The following LRRC4C variants were observed in gnomAD, a reference collection of about 807,000 sequenced individuals.
The protein encoded by LRRC4C is leucine rich repeat containing 4C.
Under a neutral mutation model 33.6 loss-of-function variants are expected in LRRC4C, and 5 were observed. The ratio of observed to expected loss-of-function variants is 0.15; its 90% CI spans 0.08 to 0.31. The LOEUF (loss-of-function observed/expected upper bound fraction) is 0.31. LRRC4C is among the 10% of genes least tolerant of loss of function. The probability of loss-of-function intolerance (pLI) is 1.00; values close to 1 mark genes in which losing one functional copy is unlikely to be tolerated. For synonymous variants in LRRC4C, 329 were observed against 302.0 expected (o/e 1.09, Z -0.93); for missense variants, 560 against 796.7 (o/e 0.70, Z 3.58).
intron 5 of LRRC4C, among the ~76,000 whole-genome samples, chr11:40,198,885 C>T (rs1383512354): frequency 6.6e-6 from 1 of 152,178 alleles, no homozygotes; most frequent in Non-Finnish European, 1.5e-5. Context: ...AGATTATCTT[C>T]TCTAGAAGTT....
chr11:41,447,384 ACT>A (rs1438533978), intron 1 of LRRC4C, among the ~76,000 whole-genome samples: 2 of 152,264 alleles, frequency 1.3e-5, no homozygotes, highest in East Asian at 3.9e-4. Context: ...ATTGTACTAA[ACT>A]CTATTTTGAA....
At chr11:40,569,382 C>T (rs1957887216) in intron 3 of LRRC4C, among the ~76,000 whole-genome samples, 1 of 152,080 alleles carries the variant, frequency 6.6e-6, no homozygotes, top group South Asian at 2.1e-4. Flanking sequence ...TTCCAAAAGC[C>T]TATGGTCCCA....
intron 2 of LRRC4C, among the ~76,000 whole-genome samples, chr11:40,821,228 AC>A (rs1951914348): frequency 6.6e-6 from 1 of 151,734 alleles, no homozygotes; most frequent in Non-Finnish European, 1.5e-5. Context: ...TCTCAAATTA[AC>A]CAATAAATTC....
chr11:40,496,977 G>A (rs1954496074), intron 3 of LRRC4C, among the ~76,000 whole-genome samples: 1 of 152,110 alleles, frequency 6.6e-6, no homozygotes, highest in Non-Finnish European at 1.5e-5. Context: ...GTCCTCTCAT[G>A]GCTCCTAAAG....
chr11:40,736,747 A>G (rs776411356), intron 2 of LRRC4C, among the ~76,000 whole-genome samples: 1 of 151,858 alleles, frequency 6.6e-6, no homozygotes, highest in Admixed American at 6.6e-5. Context: ...TTTGATTTGC[A>G]TTTCTTGAAT....
At chr11:40,222,558 AAC>A (rs1864495533) in intron 5 of LRRC4C, among the ~76,000 whole-genome samples, 1 of 152,194 alleles carries the variant, frequency 6.6e-6, no homozygotes, top group South Asian at 2.1e-4. Flanking sequence ...GATGTGCTAT[AAC>A]ACATTTACCT....
chr11:41,454,002 T>G (rs1476453239), intron 1 of LRRC4C, among the ~76,000 whole-genome samples: 1 of 152,088 alleles, frequency 6.6e-6, no homozygotes, highest in Non-Finnish European at 1.5e-5. Flanking sequence ...GCAGGGAGCA[T>G]GGATCTTGTC....
chr11:40,815,531 C>T (rs999897990), intron 2 of LRRC4C, among the ~76,000 whole-genome samples: 5 of 152,170 alleles, frequency 3.3e-5, no homozygotes, highest in African/African-American at 1.2e-4. Flanking sequence ...GGATGATTTT[C>T]TCAAGAGCCC....
In LRRC4C at chr11:40,644,848, G is replaced by A. The variant is rs182409518; in HGVS notation, c.-270+3294C>T. On this transcript the variant is annotated intron_variant, in intron 3 of 6. Coordinates refer to ENST00000528697, the MANE Select transcript of LRRC4C (RefSeq NM_001258419.2). ...GATAGAAATGACGTGTATTTTGACCGTAGTAATATCAATACTCTGGTTATA... is the reference window on the plus strand; with the variant it reads ...GATAGAAATGACGTGTATTTTGACCATAGTAATATCAATACTCTGGTTATA... Among the ~76,000 whole-genome samples, 150 of 152,110 alleles carry A rather than the reference G, an allele frequency of 9.9e-4. 1 individual carries two copies. The highest frequency in any genetic ancestry group is 9.7e-3 in the Admixed American group (148 of 15,282).
intron 2 of LRRC4C, among the ~76,000 whole-genome samples, chr11:40,829,735 T>A (rs1172130174): frequency 6.6e-6 from 1 of 151,966 alleles, no homozygotes; most frequent in African/African-American, 2.4e-5. Context: ...CTCCATAATA[T>A]TTTTTAAAAC....
chr11:41,261,698 A>G (rs575142328), intron 1 of LRRC4C, among the ~76,000 whole-genome samples: 2 of 152,272 alleles, frequency 1.3e-5, no homozygotes, highest in Admixed American at 1.3e-4. Flanking sequence ...GGGCAGAGAG[A>G]TTAGACATCT....
chr11:41,151,727 C>G (rs1944007898), intron 1 of LRRC4C, among the ~76,000 whole-genome samples: 2 of 152,104 alleles, frequency 1.3e-5, no homozygotes, highest in African/African-American at 4.8e-5. Context: ...GAATGTCATA[C>G]ATAAGGCACT....
intron 1 of LRRC4C, among the ~76,000 whole-genome samples, chr11:41,205,526 T>C (rs1357868923): frequency 6.6e-6 from 1 of 152,170 alleles, no homozygotes; most frequent in East Asian, 1.9e-4. Flanking sequence ...CCAGTGATTG[T>C]AGCTTCTAAA....
chr11:40,787,085 A>C (rs965236083), intron 2 of LRRC4C, among the ~76,000 whole-genome samples: 3 of 152,200 alleles, frequency 2.0e-5, no homozygotes, highest in African/African-American at 4.8e-5. Flanking sequence ...CTGAAGAGCC[A>C]CATAGTAGTT....
intron 4 of LRRC4C, among the ~76,000 whole-genome samples, chr11:40,285,332 C>G (rs1421803643): frequency 6.6e-6 from 1 of 152,034 alleles, no homozygotes; most frequent in Admixed American, 6.6e-5. Flanking sequence ...ATGAGGAGTG[C>G]CTCAAGCCCT....
intron 5 of LRRC4C, among the ~76,000 whole-genome samples, chr11:40,169,678 T>C (rs1188261858): frequency 1.3e-5 from 2 of 152,204 alleles, no homozygotes; most frequent in East Asian, 3.9e-4. Flanking sequence ...ATTTCCATTT[T>C]CATTGTAAAG....
rs187430086 is a variant in LRRC4C, at chr11:41,285,605, A to G, written c.-496+173826T>C. On this transcript the variant is annotated intron_variant, in intron 1 of 6. Coordinates refer to ENST00000528697, the MANE Select transcript of LRRC4C (RefSeq NM_001258419.2). ...ACTGGAATGATGTGGGGAGGAAGCC[A>G]GAGAGAGATGTCCCACATGGAAGAC... Among the ~76,000 whole-genome samples the G allele has an allele frequency of 7.0e-4, 106 of 152,262 alleles. 1 individual carries two copies. Among genetic ancestry groups the G allele is most frequent in the African/African-American group, 2.5e-3 (104 of 41,562 alleles).
intron 1 of LRRC4C, among the ~76,000 whole-genome samples, chr11:41,123,993 A>G (rs530035437): frequency 6.6e-6 from 1 of 152,296 alleles, no homozygotes; most frequent in East Asian, 1.9e-4. Context: ...TACTTAGGCA[A>G]TTGATTTTTG....
intron 3 of LRRC4C, among the ~76,000 whole-genome samples, chr11:40,341,998 C>A (rs1381282568): frequency 3.9e-4 from 55 of 142,172 alleles, no homozygotes; most frequent in South Asian, 6.7e-4. Context: ...GCACTTTTCT[C>A]AAAAAAAAAA....
Sources: gnomAD v4.1 joint callset for allele counts (sites outside exome capture counted in the v4.1 genomes callset) on GRCh38, gnomAD v4.1.1 for gene constraint, MANE v1.5 for transcripts, NCBI Gene and HGNC (gene_info 2026-07-23, HGNC 2026-07-21) for gene names.